The following TYW1 variants were observed in gnomAD, a reference collection of about 807,000 sequenced individuals.
TYW1 encodes the protein S-adenosyl-L-methionine-dependent tRNA 4-demethylwyosine synthase TYW1.
TYW1 carries 46 observed loss-of-function variants against 96.2 expected under a neutral mutation model. That is an observed-to-expected ratio of 0.48 (90% CI 0.38 to 0.61). The LOEUF is 0.61. Ranked by LOEUF, TYW1 falls within the 20% of genes least tolerant of loss-of-function variation. TYW1 has a pLI of 0.00. For synonymous variants in TYW1, 274 were observed against 323.0 expected (o/e 0.85, Z 1.63); for missense variants, 684 against 909.6 (o/e 0.75, Z 3.19).
At chr7:67,107,706 C>T (rs116047433) in intron 12 of TYW1, among the ~76,000 whole-genome samples, 1 of 152,000 alleles carries the variant, frequency 6.6e-6, no homozygotes, top group African/African-American at 2.4e-5. Flanking sequence ...TAAGGCAAAA[C>T]CTGTTACTTG....
chr7:67,021,389 G>T (rs1294504356), intron 6 of TYW1, among the ~76,000 whole-genome samples: 6 of 152,254 alleles, frequency 3.9e-5, no homozygotes, highest in African/African-American at 1.2e-4. Context: ...GTGACTGATA[G>T]TAGCTGCATG....
chr7:67,114,290 T>G (rs151139053), intron 12 of TYW1: 4,338 of 154,312 alleles, frequency 0.028, 275 homozygotes, highest in East Asian at 0.16. Flanking sequence ...TTACTTGAAT[T>G]TCTTACAAAC....
rs1411141981 is a variant in TYW1 at position 67,055,875 on chromosome 7, C to T, written c.1143C>T (p.Cys381=). 5 of 1,612,310 alleles carry T rather than the reference C, an allele frequency of 3.1e-6. No homozygotes were observed. The Admixed American group carries it at 8.4e-5, about 27-fold the overall frequency. ...LIGSHSGVKL[C]RWTKSMLRGR... ...GGAGCCACTCGGGGGTGAAGCTTTG[C>T]AGGTGGACAAAGGTATTTTTTTTGT... Residue 381 remains cysteine (C), a synonymous_variant, in exon 9 of 16, where the codon TGC becomes TGT. Coordinates refer to ENST00000359626, the MANE Select transcript of TYW1 (RefSeq NM_018264.4).
At chr7:67,168,169 T>C (rs1799409426) in intron 13 of TYW1, among the ~76,000 whole-genome samples, 1 of 149,488 alleles carries the variant, frequency 6.7e-6, no homozygotes, top group Non-Finnish European at 1.5e-5. Flanking sequence ...TTTTTGCGTC[T>C]ATTGAGATTA....
intron 13 of TYW1, among the ~76,000 whole-genome samples, chr7:67,146,127 A>G (rs1411336354): frequency 2.0e-5 from 3 of 152,212 alleles, no homozygotes; most frequent in African/African-American, 7.2e-5. Context: ...TTTGGGGTTC[A>G]TAGTTATAAT....
chr7:67,191,851 G>C (rs1800228456), intron 14 of TYW1, among the ~76,000 whole-genome samples: 1 of 151,942 alleles, frequency 6.6e-6, no homozygotes, highest in African/African-American at 2.4e-5. Context: ...AAGTTACCCA[G>C]GACTGCTTCC....
At chr7:67,038,314 G>A (rs1794902669) in intron 7 of TYW1, among the ~76,000 whole-genome samples, 1 of 149,688 alleles carries the variant, frequency 6.7e-6, no homozygotes, top group Non-Finnish European at 1.5e-5. Flanking sequence ...ATAAATTCAC[G>A]TCCACACCAG....
intron 2 of TYW1, among the ~76,000 whole-genome samples, 183 bp downstream of exon 2, chr7:66,998,378 CT>C (rs1337791523): frequency 4.6e-5 from 7 of 152,066 alleles, no homozygotes; most frequent in Non-Finnish European, 1.5e-5. Context: ...AAGTTCTTTA[CT>C]TTTTCTTTGA....
At chr7:67,212,284 A>T (rs367664656) in intron 15 of TYW1, among the ~76,000 whole-genome samples, 1 of 143,746 alleles carries the variant, frequency 7.0e-6, no homozygotes, top group Non-Finnish European at 1.5e-5. Flanking sequence ...ACTTAGCAAT[A>T]TGCATTTAAG....
intron 14 of TYW1, among the ~76,000 whole-genome samples, chr7:67,185,987 G>GT (rs1157756060): frequency 6.9e-6 from 1 of 144,412 alleles, no homozygotes; most frequent in Non-Finnish European, 1.5e-5. Flanking sequence ...GTCTGAGTAC[G>GT]TAACATTTTA....
intron 15 of TYW1, among the ~76,000 whole-genome samples, chr7:67,218,153 C>T (rs891909665): frequency 6.6e-6 from 1 of 151,846 alleles, no homozygotes; most frequent in African/African-American, 2.4e-5. Flanking sequence ...GCCACCATGC[C>T]CGGCCAGTGT....
intron 8 of TYW1, 91 bp downstream of exon 8, chr7:67,050,157 G>C: frequency 3.4e-6 from 5 of 1,454,426 alleles, no homozygotes; most frequent in Non-Finnish European, 3.8e-6. Flanking sequence ...AATTAGCTCA[G>C]CAGCTGTTCA....
chr7:67,065,953 T>C (rs569550548), intron 9 of TYW1, among the ~76,000 whole-genome samples: 10 of 151,034 alleles, frequency 6.6e-5, no homozygotes, highest in South Asian at 2.1e-4. Flanking sequence ...GAGGGTGCAG[T>C]GAGTTGAGAT....
At chr7:67,191,219 C>T (rs1037261445) in intron 14 of TYW1, among the ~76,000 whole-genome samples, 12 of 152,142 alleles carry the variant, frequency 7.9e-5, no homozygotes, top group African/African-American at 2.9e-4. Flanking sequence ...TGGGCTCCAC[C>T]CCCAACACTG....
chr7:67,088,606 C>T (rs1796618361), intron 11 of TYW1, among the ~76,000 whole-genome samples: 1 of 152,188 alleles, frequency 6.6e-6, no homozygotes, highest in African/African-American at 2.4e-5. Flanking sequence ...TTCTGTTGCC[C>T]AGGCTGGAAT....
Position 67,098,588 on chromosome 7 carries a change from A to G in TYW1, c.1432A>G (p.Lys478Glu). 1 of 1,611,284 alleles carries G rather than the reference A, an allele frequency of 6.2e-7. No individual in the cohort carries two copies. Among genetic ancestry groups the G allele is most frequent in the South Asian group, 1.1e-5 (1 of 90,554 alleles). ...AERFEEGMTV[K>E]HCALSLVGEP... ...ACGCTTTGAAGAAGGAATGACGGTA[A>G]AGCACTGTGCATTGTCCCTCGTGGG... is the stretch of plus-strand genomic sequence containing the variant. The change falls in exon 12 of 16, where the codon AAG becomes GAG. Residue 478 changes from lysine (K) to glutamate (E), a missense_variant. Physicochemically the swap from Lys to Glu is moderately conservative, Grantham distance 56. Transcript: ENST00000359626.
At chr7:67,011,949 C>A (rs1346096806) in intron 4 of TYW1, among the ~76,000 whole-genome samples, 2 of 151,770 alleles carry the variant, frequency 1.3e-5, no homozygotes, top group African/African-American at 2.4e-5. Context: ...GTAGTATCTT[C>A]ACCTTTGTGG....
At chr7:67,094,651 A>AGTGTGT (rs56069939) in intron 11 of TYW1, among the ~76,000 whole-genome samples, 9,038 of 141,536 alleles carry the variant, frequency 0.064, 448 homozygotes, top group East Asian at 0.21. Flanking sequence ...AGAGAATTAG[A>AGTGTGT]GTGTGTGTGT....
intron 7 of TYW1, among the ~76,000 whole-genome samples, chr7:67,047,594 T>C (rs71535636): frequency 0.24 from 36,729 of 151,346 alleles, 4,721 homozygotes; most frequent in African/African-American, 0.32. Flanking sequence ...TGATTATATT[T>C]AGTAATTTGG....
Sources: gnomAD v4.1 joint callset for allele counts (sites outside exome capture counted in the v4.1 genomes callset) on GRCh38, gnomAD v4.1.1 for gene constraint, MANE v1.5 for transcripts, NCBI Gene and HGNC (gene_info 2026-07-23, HGNC 2026-07-21) for gene names.